The following ZSWIM6 variants were observed in gnomAD, a reference collection of about 807,000 sequenced individuals.
ZSWIM6 encodes the protein zinc finger SWIM-type containing 6, also known as zinc finger SWIM domain-containing protein 6.
In ZSWIM6, 9 loss-of-function variants were observed where a neutral mutation model predicts 113.2. The ratio of observed to expected loss-of-function variants is 0.08; its 90% CI spans 0.05 to 0.14. The LOEUF (loss-of-function observed/expected upper bound fraction) is 0.14. Ranked by LOEUF, ZSWIM6 falls within the 10% of genes least tolerant of loss-of-function variation. The pLI, the probability that ZSWIM6 is intolerant of heterozygous loss-of-function variation, is 1.00. For synonymous variants in ZSWIM6, 611 were observed against 606.5 expected (o/e 1.01, Z -0.11); for missense variants, 1,162 against 1,552.2 (o/e 0.75, Z 4.22).
intron 1 of ZSWIM6, among the ~76,000 whole-genome samples, chr5:61,353,187 T>C (rs1437537280): frequency 6.6e-6 from 1 of 152,170 alleles, no homozygotes; most frequent in Non-Finnish European, 1.5e-5. Context: ...TTTTTCAGTG[T>C]CTTGTTTGGG....
At chr5:61,418,077 C>T (rs954423855) in intron 1 of ZSWIM6, among the ~76,000 whole-genome samples, 1 of 152,084 alleles carries the variant, frequency 6.6e-6, no homozygotes, top group African/African-American at 2.4e-5. Context: ...GGACTACAGG[C>T]TTTTAACTTG....
At chr5:61,357,449 T>C (rs1744938902) in intron 1 of ZSWIM6, among the ~76,000 whole-genome samples, 1 of 151,958 alleles carries the variant, frequency 6.6e-6, no homozygotes, top group Admixed American at 6.6e-5. Flanking sequence ...AATGCAGCCA[T>C]TGCTGGAAAC....
chr5:61,385,753 C>T (rs958777627), intron 1 of ZSWIM6, among the ~76,000 whole-genome samples: 3 of 152,222 alleles, frequency 2.0e-5, no homozygotes, highest in Admixed American at 6.5e-5. Context: ...TGGGAGGCTT[C>T]CCTCAGCCCC....
intron 1 of ZSWIM6, among the ~76,000 whole-genome samples, chr5:61,450,659 A>G (rs1266888428): frequency 6.6e-6 from 1 of 152,132 alleles, no homozygotes; most frequent in African/African-American, 2.4e-5. Context: ...TGCTTGATCT[A>G]CATAATCAAG....
At chr5:61,495,958 A>G (rs1748303697) in intron 4 of ZSWIM6, among the ~76,000 whole-genome samples, 1 of 152,170 alleles carries the variant, frequency 6.6e-6, no homozygotes, top group South Asian at 2.1e-4. Context: ...GGAAGAAAAT[A>G]CCAACTAAAT....
intron 4 of ZSWIM6, among the ~76,000 whole-genome samples, chr5:61,520,032 G>T (rs1749069837): frequency 6.6e-6 from 1 of 152,184 alleles, no homozygotes; most frequent in South Asian, 2.1e-4. Flanking sequence ...ACCTCCTGCT[G>T]TGTGGCCAGG....
chr5:61,358,535 C>T (rs1744968506), intron 1 of ZSWIM6, among the ~76,000 whole-genome samples: 2 of 152,140 alleles, frequency 1.3e-5, no homozygotes, highest in African/African-American at 2.4e-5. Flanking sequence ...CTAATATTTA[C>T]GAATACAAAT....
At chr5:61,415,663 G>A (rs1746233351) in intron 1 of ZSWIM6, among the ~76,000 whole-genome samples, 1 of 151,918 alleles carries the variant, frequency 6.6e-6, no homozygotes, top group African/African-American at 2.4e-5. Flanking sequence ...ATGACATGGG[G>A]ACTGATTGGC....
chr5:61,488,909 C>G (rs1260806782), intron 2 of ZSWIM6, among the ~76,000 whole-genome samples: 1 of 151,884 alleles, frequency 6.6e-6, no homozygotes, highest in South Asian at 2.1e-4. Context: ...CATATCAGGA[C>G]AAAACATCTT....
At chr5:61,421,606 C>T (rs575634696) in intron 1 of ZSWIM6, among the ~76,000 whole-genome samples, 1 of 152,292 alleles carries the variant, frequency 6.6e-6, no homozygotes, top group Admixed American at 6.5e-5. Context: ...CAGTACCCAA[C>T]AGTTATCTTT....
At chr5:61,530,230 T>C in intron 8 of ZSWIM6, 32 bp downstream of exon 8, 1 of 1,525,912 alleles carries the variant, frequency 6.6e-7, no homozygotes, top group South Asian at 1.2e-5. Flanking sequence ...TCATGTGCTT[T>C]TCTTTTTCTA....
rs1428375357 is a variant in ZSWIM6, at chr5:61,513,690, A to C, written c.1334-7573A>C. On this transcript the variant is annotated intron_variant, in intron 4 of 13. Coordinates refer to ENST00000252744, the MANE Select transcript of ZSWIM6 (RefSeq NM_020928.2). The stretch of plus-strand genomic sequence containing the variant: ...GATTTTGGTTCATTTTTTTACATGA[A>C]TATCTAATTGTTCCCAACACCAGTT... Among the ~76,000 whole-genome samples the C allele has an allele frequency of 3.9e-5, 6 of 152,156 alleles. No homozygotes were observed. The South Asian group carries it at 6.2e-4, about 16-fold the overall frequency.
chr5:61,395,450 A>G (rs988157244), intron 1 of ZSWIM6, among the ~76,000 whole-genome samples: 1 of 152,194 alleles, frequency 6.6e-6, no homozygotes, highest in Non-Finnish European at 1.5e-5. Flanking sequence ...GTACACAGAT[A>G]TGGATCTATC....
intron 1 of ZSWIM6, among the ~76,000 whole-genome samples, chr5:61,403,707 C>T (rs1364252952): frequency 6.6e-6 from 1 of 152,174 alleles, no homozygotes; most frequent in South Asian, 2.1e-4. Context: ...TGGAATCGTA[C>T]AAAATAATGT....
chr5:61,379,045 G>A (rs775722297), intron 1 of ZSWIM6, among the ~76,000 whole-genome samples: 1 of 151,736 alleles, frequency 6.6e-6, no homozygotes. Flanking sequence ...GCTGGGTGTC[G>A]TGGTGCGTGC....
chr5:61,444,370 C>T (rs1303707833), intron 1 of ZSWIM6, among the ~76,000 whole-genome samples: 1 of 151,922 alleles, frequency 6.6e-6, no homozygotes, highest in Non-Finnish European at 1.5e-5. Context: ...AGGTTGGTTC[C>T]AAGTCTTTGC....
chr5:61,443,643 C>CT (rs1431975839), intron 1 of ZSWIM6, among the ~76,000 whole-genome samples: 2 of 152,272 alleles, frequency 1.3e-5, no homozygotes, highest in East Asian at 3.9e-4. Flanking sequence ...ATAAAATAGT[C>CT]ATTGATTTAG....
intron 2 of ZSWIM6, among the ~76,000 whole-genome samples, chr5:61,478,470 G>T (rs1049820781): frequency 6.6e-6 from 1 of 152,056 alleles, no homozygotes; most frequent in African/African-American, 2.4e-5. Context: ...TATATATGAA[G>T]TTTTAAAATA....
chr5:61,335,716 A>G (rs184403690), intron 1 of ZSWIM6, among the ~76,000 whole-genome samples: 3 of 152,370 alleles, frequency 2.0e-5, no homozygotes, highest in Admixed American at 6.5e-5. Context: ...TTATAGCTAC[A>G]ATAGGGAAAA....
Sources: gnomAD v4.1 joint callset for allele counts (sites outside exome capture counted in the v4.1 genomes callset) on GRCh38, gnomAD v4.1.1 for gene constraint, MANE v1.5 for transcripts, NCBI Gene and HGNC (gene_info 2026-07-23, HGNC 2026-07-21) for gene names.